The following EXOC6B variants were observed in gnomAD, a reference collection of about 807,000 sequenced individuals.
The protein encoded by EXOC6B is SEC15 homolog B.
Under a neutral mutation model 113.5 loss-of-function variants are expected in EXOC6B, and 54 were observed. That is an observed-to-expected ratio of 0.48 (90% CI 0.38 to 0.60). EXOC6B has a LOEUF of 0.60. Ranked by LOEUF, EXOC6B falls within the 20% of genes least tolerant of loss-of-function variation. The probability of loss-of-function intolerance (pLI) is 0.00; values close to 1 mark genes in which losing one functional copy is unlikely to be tolerated. For missense variants in EXOC6B, 797 were observed against 977.5 expected (o/e 0.82, Z 2.46); for synonymous variants, 357 against 339.0 (o/e 1.05, Z -0.58).
chr2:72,448,624 T>C (rs1423278321), intron 18 of EXOC6B, among the ~76,000 whole-genome samples: 1 of 152,180 alleles, frequency 6.6e-6, no homozygotes, highest in African/African-American at 2.4e-5. Flanking sequence ...AAGTTATATG[T>C]TATTTTATAT....
In EXOC6B at chr2:72,184,152, G is replaced by A. The variant is rs372212656; in HGVS notation, c.2232C>T (p.Thr744=). The change falls in exon 21 of 22, where the codon ACC becomes ACT. Residue 744 remains threonine (T), a synonymous_variant. Transcript: ENST00000272427. ...TGGGCTGACCATAGTCAGCAAGGTA[G>A]GTTGACCAATCCCACTGGATGAAAA... is the stretch of plus-strand genomic sequence containing the variant. ...LDLFIQWDWS[T]YLADYGQPNC... The A allele has an allele frequency of 7.7e-6, 12 of 1,560,004 alleles. No homozygotes were observed. Among genetic ancestry groups the A allele is most frequent in the South Asian group, 2.4e-5 (2 of 84,456 alleles).
At chr2:72,296,250 G>A (rs547174481) in intron 20 of EXOC6B, among the ~76,000 whole-genome samples, 37 of 152,082 alleles carry the variant, frequency 2.4e-4, no homozygotes, top group South Asian at 6.2e-4. Context: ...GTATGACCTC[G>A]CTGAAATAGT....
chr2:72,616,875 A>T (rs1331104541), intron 6 of EXOC6B, among the ~76,000 whole-genome samples: 1 of 152,064 alleles, frequency 6.6e-6, no homozygotes, highest in Non-Finnish European at 1.5e-5. Context: ...TTCAGCATTA[A>T]CTCAAAAGTC....
chr2:72,332,450 A>G (rs1688466627), intron 20 of EXOC6B, among the ~76,000 whole-genome samples: 2 of 152,104 alleles, frequency 1.3e-5, no homozygotes, highest in Admixed American at 6.6e-5. Flanking sequence ...AATACTAGCA[A>G]ATAGGAAGCT....
intron 7 of EXOC6B, among the ~76,000 whole-genome samples, chr2:72,564,166 A>C (rs1398803633): frequency 6.6e-6 from 1 of 152,146 alleles, no homozygotes; most frequent in Non-Finnish European, 1.5e-5. Flanking sequence ...TGACAGATTT[A>C]CCTCTACTGC....
chr2:72,680,744 A>G (rs1378444750), intron 6 of EXOC6B, among the ~76,000 whole-genome samples: 1 of 152,118 alleles, frequency 6.6e-6, no homozygotes, highest in Admixed American at 6.5e-5. Context: ...ATCTCAAAAA[A>G]AAAAAGAAAA....
At chr2:72,576,052 A>G (rs1347164448) in intron 6 of EXOC6B, among the ~76,000 whole-genome samples, 1 of 152,142 alleles carries the variant, frequency 6.6e-6, no homozygotes, top group Admixed American at 6.6e-5. Context: ...AACGCCTAGC[A>G]TTTATCTCTT....
chr2:72,727,107 T>C (rs561779683), intron 5 of EXOC6B, among the ~76,000 whole-genome samples: 9 of 151,826 alleles, frequency 5.9e-5, no homozygotes, highest in Non-Finnish European at 1.2e-4. Flanking sequence ...CAAGGAAAAA[T>C]TGTAAAACAA....
At chr2:72,659,462 G>A (rs1674845113) in intron 6 of EXOC6B, among the ~76,000 whole-genome samples, 1 of 151,992 alleles carries the variant, frequency 6.6e-6, no homozygotes, top group South Asian at 2.1e-4. Flanking sequence ...TTTATCTTAA[G>A]AAAATTGAAG....
chr2:72,476,082 G>C (rs1426903269), intron 17 of EXOC6B, among the ~76,000 whole-genome samples: 3 of 152,186 alleles, frequency 2.0e-5, no homozygotes, highest in Non-Finnish European at 4.4e-5. Context: ...GTGTGACCTG[G>C]TGTGAGCTCC....
chr2:72,444,447 C>T (rs575968711), intron 18 of EXOC6B, among the ~76,000 whole-genome samples: 9 of 152,352 alleles, frequency 5.9e-5, no homozygotes, highest in African/African-American at 2.2e-4. Context: ...CACAGCTCCA[C>T]TAGGTGATGC....
intron 20 of EXOC6B, among the ~76,000 whole-genome samples, chr2:72,239,603 C>T (rs535855616): frequency 1.3e-5 from 2 of 152,268 alleles, no homozygotes; most frequent in East Asian, 3.9e-4. Context: ...ATTTTGAAAT[C>T]AAGAAGTGTG....
intron 11 of EXOC6B, among the ~76,000 whole-genome samples, chr2:72,511,224 T>C (rs1700877672): frequency 6.6e-6 from 1 of 152,106 alleles, no homozygotes; most frequent in South Asian, 2.1e-4. Flanking sequence ...CACATACATA[T>C]TAACCAATCT....
At chr2:72,630,291 C>G (rs1320111444) in intron 6 of EXOC6B, among the ~76,000 whole-genome samples, 1 of 152,142 alleles carries the variant, frequency 6.6e-6, no homozygotes, top group Non-Finnish European at 1.5e-5. Context: ...AGTGTGAGAT[C>G]ACAAATGTGT....
chr2:72,783,318 C>CTTTTTTTTTTTTTTTTTTTTTTT (rs70963146), intron 1 of EXOC6B, among the ~76,000 whole-genome samples: 3 of 60,412 alleles, frequency 5.0e-5, no homozygotes, highest in Non-Finnish European at 8.5e-5. Context: ...TTTTTCTTTT[C>CTTTTTTTTTTTTTTTTTTTTTTT]TTTTTTTTTT....
In EXOC6B at chr2:72,681,686, A is replaced by G. The variant is rs75075795; in HGVS notation, c.669+36417T>C. 2.6e-3 allele frequency among the ~76,000 whole-genome samples: 400 copies of G among 152,258 alleles called. 3 individuals carry two copies. The highest frequency in any genetic ancestry group is 9.3e-3 in the African/African-American group (385 of 41,554). ...AACTCTATACTTAAGCAAGTATATAAAATATTAGCTGTGTACGTTTTAATC... is the reference window on the plus strand; with the variant it reads ...AACTCTATACTTAAGCAAGTATATAGAATATTAGCTGTGTACGTTTTAATC... On this transcript the variant is annotated intron_variant, in intron 6 of 21. Coordinates refer to ENST00000272427, the MANE Select transcript of EXOC6B (RefSeq NM_015189.3).
Position 72,198,572 on chromosome 2 carries a change from A to G in EXOC6B, c.2197-14385T>C, listed in dbSNP as rs147231011. Among the ~76,000 whole-genome samples the G allele has an allele frequency of 2.6e-5, 4 of 152,328 alleles. No individual in the cohort carries two copies. The East Asian group carries it at 7.7e-4, about 29-fold the overall frequency. ...TAAATAGCAAAGTAGTAGTAAGTACAAAGTAAGTAGTAAGTACAAAGAAAG... is the reference window on the plus strand; with the variant it reads ...TAAATAGCAAAGTAGTAGTAAGTACGAAGTAAGTAGTAAGTACAAAGAAAG... On this transcript the variant is annotated intron_variant, in intron 20 of 21. Coordinates refer to ENST00000272427, the MANE Select transcript of EXOC6B (RefSeq NM_015189.3).
At chr2:72,430,237 T>G (rs1181338747) in intron 18 of EXOC6B, among the ~76,000 whole-genome samples, 1 of 152,236 alleles carries the variant, frequency 6.6e-6, no homozygotes, top group African/African-American at 2.4e-5. Context: ...AAAGTTGGTC[T>G]TTTCTTCCAA....
chr2:72,820,233 A>G (rs1686503969), intron 1 of EXOC6B, among the ~76,000 whole-genome samples: 1 of 152,174 alleles, frequency 6.6e-6, no homozygotes, highest in South Asian at 2.1e-4. Context: ...TTATTCCTAC[A>G]CCCATAAGTA....
Sources: gnomAD v4.1 joint callset for allele counts (sites outside exome capture counted in the v4.1 genomes callset) on GRCh38, gnomAD v4.1.1 for gene constraint, MANE v1.5 for transcripts, NCBI Gene and HGNC (gene_info 2026-07-23, HGNC 2026-07-21) for gene names.